PSMF1: variants seen among roughly 807,000 people sequenced by gnomAD.
PSMF1 encodes proteasome inhibitor subunit 1.
In PSMF1, 30 loss-of-function variants were observed where a neutral mutation model predicts 29.3. The observed-to-expected ratio is 1.02, with a 90% CI of 0.77 to 1.39. The LOEUF (loss-of-function observed/expected upper bound fraction) is 1.39, where lower values mean the gene tolerates loss of function less well. PSMF1 is among the 40% of genes most tolerant of loss of function. The pLI, the probability that PSMF1 is intolerant of heterozygous loss-of-function variation, is 0.00. For synonymous variants in PSMF1, 134 were observed against 139.7 expected (o/e 0.96, Z 0.29); for missense variants, 344 against 357.5 (o/e 0.96, Z 0.31).
chr20:1,156,601 G>A (rs144579091), intron 4 of PSMF1, among the ~76,000 whole-genome samples: 1 of 152,262 alleles, frequency 6.6e-6, no homozygotes, highest in East Asian at 1.9e-4. Flanking sequence ...AAGAAGAACA[G>A]CATTCTTAAA....
chr20:1,163,228 G>A lies in PSMF1; in HGVS notation c.605+45G>A, dbSNP rs2086688693. On this transcript the variant is annotated intron_variant, in intron 5 of 6. Coordinates refer to ENST00000335877, the MANE Select transcript of PSMF1 (RefSeq NM_006814.5). This position sits in a 1 kb window ranked among gnomAD's most constrained non-coding sequence, Gnocchi z 6.1. Reference sequence around the variant, plus strand: ...TGGCAGCAACACAACTTGCTTTTGTGGCTTTTCAGCCCCAGCTCATCTTCT... The same window carrying A: ...TGGCAGCAACACAACTTGCTTTTGTAGCTTTTCAGCCCCAGCTCATCTTCT... The A allele has an allele frequency of 6.3e-7, 1 of 1,594,526 alleles. No homozygotes were observed. The highest frequency in any genetic ancestry group is 1.3e-5 in the African/African-American group (1 of 74,444).
At chr20:1,131,701 T>C (rs2086231542) in intron 3 of PSMF1, among the ~76,000 whole-genome samples, 1 of 152,232 alleles carries the variant, frequency 6.6e-6, no homozygotes, top group Admixed American at 6.5e-5. Flanking sequence ...CAAACTGTGA[T>C]TTGCTAAGAA....
chr20:1,117,327 ACTTTT>A (rs937688377), upstream of PSMF1, among the ~76,000 whole-genome samples: 7 of 148,462 alleles, frequency 4.7e-5, no homozygotes, highest in Non-Finnish European at 1.0e-4. Flanking sequence ...ATGTGATCTG[ACTTTT>A]CTTTTTTTTT....
rs2086774856 is a variant in PSMF1 at position 1,170,078 on chromosome 20, T to A, written c.*4998T>A. Among the ~76,000 whole-genome samples the A allele has an allele frequency of 6.6e-6, 1 of 152,072 alleles. No individual in the cohort carries two copies. Among genetic ancestry groups the A allele is most frequent in the Admixed American group, 6.6e-5 (1 of 15,252 alleles). ...TGACAAGTTCCTTTTGTGAGTCCTATGATCATGCAAGTTTGAGAACTGAGA... is the reference window on the plus strand; with the variant it reads ...TGACAAGTTCCTTTTGTGAGTCCTAAGATCATGCAAGTTTGAGAACTGAGA... On this transcript the variant is annotated 3_prime_UTR_variant, in exon 7 of 7. Coordinates refer to ENST00000335877, the MANE Select transcript of PSMF1 (RefSeq NM_006814.5).
At chr20:1,146,290 AT>A (rs763193159) in intron 4 of PSMF1, among the ~76,000 whole-genome samples, 627 of 142,624 alleles carry the variant, frequency 4.4e-3, no homozygotes, top group Middle Eastern at 7.3e-3. Flanking sequence ...TACGTAACAG[AT>A]TTTTTTTTTT....
chr20:1,166,515 G>A lies in PSMF1; in HGVS notation c.*1435G>A. On this transcript the variant is annotated 3_prime_UTR_variant, in exon 7 of 7. Coordinates refer to ENST00000335877, the MANE Select transcript of PSMF1 (RefSeq NM_006814.5). ...GCCTATCTGCTTAGCCTGAGAACAG[G>A]TAGATGAAAACTAAACTGATGCCTA... is the stretch of plus-strand genomic sequence containing the variant. 3 of 519,470 alleles carry A rather than the reference G, an allele frequency of 5.8e-6. No individual in the cohort carries two copies. The highest frequency in any genetic ancestry group is 1.0e-5 in the Non-Finnish European group (3 of 286,180). The allele number at this position is 519,470 out of a possible 1,614,324, so 32.2% of individuals were successfully genotyped here.
At chr20:1,126,471 C>A (rs1388490477) in intron 2 of PSMF1, among the ~76,000 whole-genome samples, 1 of 152,126 alleles carries the variant, frequency 6.6e-6, no homozygotes, top group Admixed American at 6.5e-5. Context: ...ACCATAATTT[C>A]TTTATTCCTT....
intron 4 of PSMF1, 57 bp downstream of exon 4, chr20:1,135,363 C>G (rs534969278): frequency 6.7e-7 from 1 of 1,502,492 alleles, no homozygotes; most frequent in African/African-American, 1.4e-5. Flanking sequence ...TTCCAGCCAG[C>G]TATCCCCATC....
intron 4 of PSMF1, among the ~76,000 whole-genome samples, chr20:1,162,289 C>T (rs921767360): frequency 2.0e-5 from 3 of 151,922 alleles, no homozygotes; most frequent in Admixed American, 6.6e-5. Flanking sequence ...TTTTGGTATG[C>T]AATTCTTGAG....
At chr20:1,127,179 G>T in intron 2 of PSMF1, 1 of 663,168 alleles carries the variant, frequency 1.5e-6, no homozygotes, top group Non-Finnish European at 2.7e-6. Context: ...CAATTACCAT[G>T]CCTGAGCCCT....
chr20:1,135,531 T>G (rs2086295483), intron 4 of PSMF1, among the ~76,000 whole-genome samples: 1 of 152,186 alleles, frequency 6.6e-6, no homozygotes, highest in African/African-American at 2.4e-5. Context: ...CCTGCCTGAT[T>G]TCTTTCTAGG....
chr20:1,121,906 G>A (rs1353270377), intron 1 of PSMF1, among the ~76,000 whole-genome samples: 1 of 152,218 alleles, frequency 6.6e-6, no homozygotes, highest in African/African-American at 2.4e-5. Context: ...AAGGGGATAG[G>A]TAAGGGATGA....
chr20:1,140,198 A>G (rs1320969590), intron 4 of PSMF1, among the ~76,000 whole-genome samples: 2 of 152,244 alleles, frequency 1.3e-5, no homozygotes, highest in Non-Finnish European at 2.9e-5. Context: ...CCCTATTTCA[A>G]AACTTATTAC....
chr20:1,161,004 A>G (rs180928556), intron 4 of PSMF1: 6 of 393,528 alleles, frequency 1.5e-5, no homozygotes, highest in South Asian at 8.9e-5. Flanking sequence ...CCATACTTCT[A>G]TGCCTCTGGG....
chr20:1,164,211 C>T lies in PSMF1; in HGVS notation c.606-107C>T, dbSNP rs1450510565. ...CCATCCACATGTCTGCTTGGGCCAT[C>T]CAGAGTAGACATCCCAGCCATTCTT... On this transcript the variant is annotated intron_variant, in intron 5 of 6. Coordinates refer to ENST00000335877, the MANE Select transcript of PSMF1 (RefSeq NM_006814.5). The surrounding 1 kb of genome is among the most constrained non-coding windows in gnomAD (Gnocchi z 4.1). 1.7e-6 allele frequency: 2 copies of T among 1,202,764 alleles called. No homozygotes were observed. The highest frequency in any genetic ancestry group is 3.0e-5 in the African/African-American group (2 of 66,890). The allele number at this position is 1,202,764 out of a possible 1,614,324, so 74.5% of individuals were successfully genotyped here.
In PSMF1 at chr20:1,166,736, G is replaced by A. The variant is rs144645038; in HGVS notation, c.*1656G>A. The A allele has an allele frequency of 4.9e-3, 819 of 167,056 alleles. 5 individuals are homozygous for A. The highest frequency in any genetic ancestry group is 0.018 in the African/African-American group (781 of 42,224). 10.3% of individuals were successfully genotyped at this position (167,056 alleles called of 1,614,324 possible). A position where few individuals can be genotyped will look rare whatever the true frequency, so the allele number is the denominator to read the frequency against. The stretch of plus-strand genomic sequence containing the variant: ...GACCCAGAGATCAGGCAGAGGTGCA[G>A]ATTCAATCATTACTCATAACCTTTG... On this transcript the variant is annotated 3_prime_UTR_variant, in exon 7 of 7. Coordinates refer to ENST00000335877, the MANE Select transcript of PSMF1 (RefSeq NM_006814.5).
At chr20:1,141,956 C>T (rs942823155) in intron 4 of PSMF1, among the ~76,000 whole-genome samples, 14 of 152,206 alleles carry the variant, frequency 9.2e-5, no homozygotes, top group Non-Finnish European at 1.9e-4. Flanking sequence ...CAATGGCTCA[C>T]GCCTGTAATC....
At chr20:1,153,307 C>G (rs1384297538) in intron 4 of PSMF1, among the ~76,000 whole-genome samples, 1 of 152,092 alleles carries the variant, frequency 6.6e-6, no homozygotes, top group Non-Finnish European at 1.5e-5. Context: ...TTGGCTCATT[C>G]AGGTCACTGG....
At chr20:1,126,677 C>A (rs2086160798) in intron 2 of PSMF1, among the ~76,000 whole-genome samples, 1 of 152,072 alleles carries the variant, frequency 6.6e-6, no homozygotes, top group African/African-American at 2.4e-5. Context: ...GAGTTTGAGA[C>A]CAGCCTGGTC....
Sources: gnomAD v4.1 joint callset for allele counts (sites outside exome capture counted in the v4.1 genomes callset) on GRCh38, gnomAD v4.1.1 for gene constraint, Gnocchi (gnomAD v3.1) non-coding constraint, MANE v1.5 for transcripts, NCBI Gene and HGNC (gene_info 2026-07-23, HGNC 2026-07-21) for gene names.